The following KCTD16 variants were observed in gnomAD, a reference collection of about 807,000 sequenced individuals.
The protein encoded by KCTD16 is BTB/POZ domain-containing protein KCTD16.
A neutral mutation model predicts 33.2 loss-of-function variants in KCTD16; 13 were observed. That is an observed-to-expected ratio of 0.39 (90% CI 0.25 to 0.62). The LOEUF is 0.62. KCTD16 is among the 20% of genes least tolerant of loss of function. The pLI is 0.50. For synonymous variants in KCTD16, 197 were observed against 195.3 expected, an observed-to-expected ratio of 1.01 and a Z score of -0.07; for missense variants, 441 against 525.1, an observed-to-expected ratio of 0.84 and a Z score of 1.57.
At chr5:144,380,320 A>G (rs1752183525) in intron 3 of KCTD16, among the ~76,000 whole-genome samples, 1 of 152,178 alleles carries the variant, frequency 6.6e-6, no homozygotes, top group Non-Finnish European at 1.5e-5. Flanking sequence ...GTTACAAAAC[A>G]CCACTGAAAA....
chr5:144,327,168 G>C (rs983200434), intron 3 of KCTD16, among the ~76,000 whole-genome samples: 2 of 152,136 alleles, frequency 1.3e-5, no homozygotes, highest in Non-Finnish European at 2.9e-5. Context: ...AGTACATATA[G>C]TATTTTTTAA....
rs1754596270 is a variant in KCTD16, at chr5:144,476,446, G to GT, written c.*2333dup. The GT allele has an allele frequency of 6.6e-6, 1 of 152,170 alleles. No individual in the cohort carries two copies. Among genetic ancestry groups the GT allele is most frequent in the African/African-American group, 2.4e-5 (1 of 41,446 alleles). 9.4% of individuals were successfully genotyped at this position (152,170 alleles called of 1,614,324 possible). ...CACTGCAAAAGGAGTGTTCGTGGCA[G>GT]TGTTCCTCTGACCCCTGACCTGTCA... On this transcript the variant is annotated 3_prime_UTR_variant, in exon 4 of 4. Coordinates refer to ENST00000512467, the MANE Select transcript of KCTD16 (RefSeq NM_020768.4).
chr5:144,175,755 G>A (rs1282659007), intron 2 of KCTD16, among the ~76,000 whole-genome samples: 2 of 152,162 alleles, frequency 1.3e-5, no homozygotes, highest in Non-Finnish European at 2.9e-5. Flanking sequence ...TTCATTGCTA[G>A]AAGGGTTGTA....
chr5:144,270,060 T>C (rs889261113), intron 3 of KCTD16, among the ~76,000 whole-genome samples: 4 of 151,804 alleles, frequency 2.6e-5, no homozygotes, highest in Admixed American at 2.0e-4. Flanking sequence ...AAAACAGTAA[T>C]GCAGAAAATG....
At chr5:144,274,856 T>G (rs892259991) in intron 3 of KCTD16, among the ~76,000 whole-genome samples, 1 of 152,330 alleles carries the variant, frequency 6.6e-6, no homozygotes, top group South Asian at 2.1e-4. Context: ...GTTTCCTTTC[T>G]CTTTTGGACT....
At chr5:144,411,096 A>G (rs984633710) in intron 3 of KCTD16, among the ~76,000 whole-genome samples, 10 of 152,230 alleles carry the variant, frequency 6.6e-5, no homozygotes, top group African/African-American at 1.9e-4. Flanking sequence ...ATATTGTTAA[A>G]ATGACACTAC....
At chr5:144,455,666 G>C (rs1754045619) in intron 3 of KCTD16, among the ~76,000 whole-genome samples, 1 of 152,166 alleles carries the variant, frequency 6.6e-6, no homozygotes, top group African/African-American at 2.4e-5. Context: ...AGAAGTAATT[G>C]CAGCAGTCCA....
chr5:144,213,670 A>C (rs1172770134), intron 3 of KCTD16, among the ~76,000 whole-genome samples: 1 of 152,142 alleles, frequency 6.6e-6, no homozygotes, highest in Non-Finnish European at 1.5e-5. Context: ...TCATTTTACA[A>C]TTTGCATTGG....
At chr5:144,264,109 C>A (rs960030647) in intron 3 of KCTD16, among the ~76,000 whole-genome samples, 5 of 152,158 alleles carry the variant, frequency 3.3e-5, no homozygotes, top group Admixed American at 2.6e-4. Context: ...AGCCTTATTT[C>A]TGAATTTTAG....
intron 2 of KCTD16, among the ~76,000 whole-genome samples, chr5:144,197,232 G>A (rs899308168): frequency 6.6e-6 from 1 of 152,146 alleles, no homozygotes; most frequent in African/African-American, 2.4e-5. Flanking sequence ...TAGTTCTGAT[G>A]TAAACTTTTA....
rs374427106 is a variant in KCTD16, at chr5:144,182,686, A to C, written c.-327+8214A>C. Among the ~76,000 whole-genome samples, 7 of 152,212 alleles carry C rather than the reference A, an allele frequency of 4.6e-5. No individual in the cohort carries two copies. In the East Asian group the frequency reaches 7.7e-4, roughly 17 times the overall value. On this transcript the variant is annotated intron_variant, in intron 2 of 3. Coordinates refer to ENST00000512467, the MANE Select transcript of KCTD16 (RefSeq NM_020768.4). ...CTTGAGCCCGGGAGATTGAGGCTGC[A>C]GTGAGCCATAATGGTGCCATTGCCC...
At chr5:144,429,788 A>C (rs1753416440) in intron 3 of KCTD16, among the ~76,000 whole-genome samples, 1 of 152,162 alleles carries the variant, frequency 6.6e-6, no homozygotes, top group Non-Finnish European at 1.5e-5. Flanking sequence ...TAAGGAATAC[A>C]AAGGTGAACA....
rs541487298 is a variant in KCTD16 at position 144,481,702 on chromosome 5, G to A, written c.*7588G>A. 17 of 151,758 alleles carry A rather than the reference G, an allele frequency of 1.1e-4. No individual in the cohort carries two copies. The South Asian group carries it at 3.3e-3, about 30-fold the overall frequency. The allele number at this position is 151,758 out of a possible 1,614,324, so 9.4% of individuals were successfully genotyped here. A position where few individuals can be genotyped will look rare whatever the true frequency, so the allele number is the denominator to read the frequency against. ...GCATATATCCAGCAAATATTTGTTG[G>A]GTACATACTATATATAGGTCACTGT... On this transcript the variant is annotated 3_prime_UTR_variant, in exon 4 of 4. Coordinates refer to ENST00000512467, the MANE Select transcript of KCTD16 (RefSeq NM_020768.4).
chr5:144,242,380 A>T (rs930555136), intron 3 of KCTD16, among the ~76,000 whole-genome samples: 3 of 152,144 alleles, frequency 2.0e-5, no homozygotes, highest in Non-Finnish European at 4.4e-5. Flanking sequence ...TAAATAACAC[A>T]AACCATAGAA....
intron 3 of KCTD16, among the ~76,000 whole-genome samples, chr5:144,446,627 G>C (rs1753823141): frequency 6.6e-6 from 1 of 152,030 alleles, no homozygotes; most frequent in East Asian, 1.9e-4. Context: ...GCAACCTACA[G>C]AATGGGAGAA....
chr5:144,220,712 C>T (rs372128541), intron 3 of KCTD16, among the ~76,000 whole-genome samples: 5 of 152,042 alleles, frequency 3.3e-5, no homozygotes, highest in African/African-American at 1.2e-4. Flanking sequence ...GAGGCCGAGG[C>T]GGGTGGATCA....
chr5:144,303,628 C>G (rs1224382028), intron 3 of KCTD16, among the ~76,000 whole-genome samples: 1 of 151,460 alleles, frequency 6.6e-6, no homozygotes. Flanking sequence ...ATCTAAAACT[C>G]TTCATTATCA....
At chr5:144,354,346 C>A (rs1751520749) in intron 3 of KCTD16, among the ~76,000 whole-genome samples, 1 of 152,058 alleles carries the variant, frequency 6.6e-6, no homozygotes, top group Non-Finnish European at 1.5e-5. Context: ...AGCTTTATTG[C>A]CATGGACTCC....
At chr5:144,398,806 C>T (rs1027144221) in intron 3 of KCTD16, among the ~76,000 whole-genome samples, 1 of 151,462 alleles carries the variant, frequency 6.6e-6, no homozygotes, top group African/African-American at 2.4e-5. Context: ...AATATTTTTT[C>T]TGAATATTTT....
Sources: allele counts gnomAD v4.1 joint callset (sites outside exome capture counted in the v4.1 genomes callset), GRCh38; gene constraint gnomAD v4.1.1; transcripts MANE v1.5; gene names NCBI Gene and HGNC (gene_info 2026-07-23, HGNC 2026-07-21).